Variants in LRRC7 observed in about 807,000 individuals in gnomAD.
The protein encoded by LRRC7 is leucine rich repeat containing 7, also known as leucine-rich repeat-containing protein 7.
Under a neutral mutation model 175.7 loss-of-function variants are expected in LRRC7, and 23 were observed. The observed-to-expected ratio is 0.13, with a 90% confidence interval of 0.09 to 0.19. The LOEUF (loss-of-function observed/expected upper bound fraction) is 0.19, where lower values mean the gene tolerates loss of function less well. Ranked by LOEUF, LRRC7 falls within the 10% of genes least tolerant of loss-of-function variation. The pLI is 1.00. For synonymous variants in LRRC7, 685 were observed against 680.9 expected, an observed-to-expected ratio of 1.01 and a Z score of -0.09; for missense variants, 1,354 against 1,904.7, an observed-to-expected ratio of 0.71 and a Z score of 5.38.
chr1:70,076,005 T>C, intron 23 of LRRC7, 72 bp from the exon 24 acceptor site: 1 of 1,517,398 alleles, frequency 6.6e-7, no homozygotes, highest in Non-Finnish European at 9.1e-7. Context: ...AGGTATTCTG[T>C]ACGTGCTTTC....
intron 4 of LRRC7, among the ~76,000 whole-genome samples, chr1:69,824,522 G>A (rs1429471638): frequency 6.6e-6 from 1 of 151,976 alleles, no homozygotes; most frequent in South Asian, 2.1e-4. Context: ...ATGATTTCTG[G>A]TGAAATTTTA....
intron 2 of LRRC7, among the ~76,000 whole-genome samples, chr1:69,759,790 G>C (rs148912554): frequency 6.6e-6 from 1 of 151,730 alleles, no homozygotes; most frequent in African/African-American, 2.4e-5. Context: ...GTTTTTTTCC[G>C]CAAATTCTGG....
At chr1:69,822,374 C>T (rs1253544630) in intron 4 of LRRC7, among the ~76,000 whole-genome samples, 1 of 152,182 alleles carries the variant, frequency 6.6e-6, no homozygotes, top group African/African-American at 2.4e-5. Flanking sequence ...AAAAACACAA[C>T]GTGTTGGGAG....
intron 1 of LRRC7, among the ~76,000 whole-genome samples, chr1:69,629,546 C>T (rs1652146813): frequency 2.0e-5 from 3 of 152,122 alleles, no homozygotes. Context: ...GGTCTATAAC[C>T]TATTATTCAA....
chr1:70,024,988 C>A (rs1657933774), intron 17 of LRRC7, among the ~76,000 whole-genome samples: 2 of 151,976 alleles, frequency 1.3e-5, no homozygotes, highest in Non-Finnish European at 2.9e-5. Flanking sequence ...TTTAAACTTA[C>A]AGTATTTCTT....
At position 69,986,496 on chromosome 1, in the gene LRRC7, A is replaced by G. The variant is rs1004013558; in HGVS notation, c.931+110A>G. 4 of 805,602 alleles carry G rather than the reference A, an allele frequency of 5.0e-6. No individual in the cohort carries two copies. The Admixed American group carries it at 1.1e-4, about 22-fold the overall frequency. 49.9% of individuals were successfully genotyped at this position (805,602 alleles called of 1,614,324 possible). A position where few individuals can be genotyped will look rare whatever the true frequency, so the allele number is the denominator to read the frequency against. ...GTAATATACTGTTAGTCTGATGTTA[A>G]TAAATTTTAAAATGTGCTATGGAAA... On this transcript the variant is annotated intron_variant, in intron 10 of 26. Transcript: ENST00000651989.
chr1:70,096,960 G>A (rs987763972), intron 25 of LRRC7, among the ~76,000 whole-genome samples: 2 of 152,192 alleles, frequency 1.3e-5, no homozygotes, highest in South Asian at 2.1e-4. Context: ...CAGTCTCAAT[G>A]CTTTTACTCT....
intron 1 of LRRC7, among the ~76,000 whole-genome samples, chr1:69,676,003 GCATGCA>G (rs1474199668): frequency 3.9e-5 from 4 of 103,084 alleles, no homozygotes; most frequent in Non-Finnish European, 7.8e-5. Context: ...GCATATGAGT[GCATGCA>G]CACACACACA....
At chr1:70,020,409 CA>C (rs1043465938) in intron 15 of LRRC7, among the ~76,000 whole-genome samples, 3 of 151,694 alleles carry the variant, frequency 2.0e-5, no homozygotes, top group Admixed American at 1.3e-4. Flanking sequence ...CGTTTTCTAC[CA>C]AAAAACAAGC....
At chr1:69,849,774 G>A (rs1399005822) in intron 7 of LRRC7, among the ~76,000 whole-genome samples, 3 of 151,900 alleles carry the variant, frequency 2.0e-5, no homozygotes, top group African/African-American at 7.3e-5. Context: ...TGACTCCCAA[G>A]TTTGTGCCTC....
chr1:69,881,482 C>T (rs1385223693), intron 7 of LRRC7, among the ~76,000 whole-genome samples: 1 of 152,018 alleles, frequency 6.6e-6, no homozygotes, highest in Non-Finnish European at 1.5e-5. Flanking sequence ...CTGTCACTTC[C>T]GTTTGAATTA....
At chr1:69,850,991 G>A (rs564135956) in intron 7 of LRRC7, among the ~76,000 whole-genome samples, 2 of 152,154 alleles carry the variant, frequency 1.3e-5, no homozygotes, top group Admixed American at 1.3e-4. Context: ...TATAGTTTGA[G>A]CATGGAAAAG....
chr1:69,770,257 C>T (rs1672080356), intron 3 of LRRC7, among the ~76,000 whole-genome samples: 1 of 152,194 alleles, frequency 6.6e-6, no homozygotes, highest in African/African-American at 2.4e-5. Flanking sequence ...AAAGCATCCT[C>T]TAATATTCTA....
chr1:70,114,090 A>G (rs1665694630), intron 26 of LRRC7, among the ~76,000 whole-genome samples: 1 of 152,158 alleles, frequency 6.6e-6, no homozygotes, highest in Admixed American at 6.5e-5. Flanking sequence ...AGAGTGAGAA[A>G]TTGTTTATGG....
intron 1 of LRRC7, among the ~76,000 whole-genome samples, chr1:69,642,875 G>A (rs1654447135): frequency 6.6e-6 from 1 of 151,764 alleles, no homozygotes; most frequent in Non-Finnish European, 1.5e-5. Flanking sequence ...TTGATTGGAA[G>A]AGATTTATTG....
At chr1:69,945,317 T>C (rs1649191430) in intron 8 of LRRC7, among the ~76,000 whole-genome samples, 1 of 152,078 alleles carries the variant, frequency 6.6e-6, no homozygotes, top group Admixed American at 6.6e-5. Context: ...TTAGTATAAA[T>C]GTGGTTTTAT....
intron 13 of LRRC7, among the ~76,000 whole-genome samples, chr1:70,014,728 G>A (rs1043357792): frequency 6.6e-6 from 1 of 152,000 alleles, no homozygotes; most frequent in African/African-American, 2.4e-5. Context: ...GATTTTTAAA[G>A]TTTGACATTA....
rs566022622 is a variant in LRRC7 at position 69,578,368 on chromosome 1, G to A, written c.2+9727G>A. Among the ~76,000 whole-genome samples the A allele has an allele frequency of 3.6e-4, 54 of 148,946 alleles. 1 individual carries two copies. In the South Asian group the frequency reaches 0.011, roughly 29 times the overall value. On this transcript the variant is annotated intron_variant, in intron 1 of 26. Transcript: ENST00000651989. ...GGGACTGTAAACTAGTTCAACCCTT[G>A]TGGAAGTCAGTGTGGCGATTCCTCA...
intron 17 of LRRC7, among the ~76,000 whole-genome samples, chr1:70,025,847 C>T (rs1658038895): frequency 6.6e-6 from 1 of 150,600 alleles, no homozygotes; most frequent in African/African-American, 2.5e-5. Flanking sequence ...GGGGGGTCCT[C>T]TTTCAGAAAA....
Sources: gnomAD v4.1 joint callset for allele counts (sites outside exome capture counted in the v4.1 genomes callset) on GRCh38, gnomAD v4.1.1 for gene constraint, MANE v1.5 for transcripts, NCBI Gene and HGNC (gene_info 2026-07-23, HGNC 2026-07-21) for gene names.